Variants in DAAM1 observed in about 807,000 individuals in gnomAD.
The protein encoded by DAAM1 is dishevelled associated activator of morphogenesis 1.
DAAM1 carries 52 observed loss-of-function variants against 130.0 expected under a neutral mutation model. The observed-to-expected ratio is 0.40, with a 90% CI of 0.32 to 0.50. The LOEUF (loss-of-function observed/expected upper bound fraction) is 0.50. Among genes scored for constraint, DAAM1 ranks in the 20% least tolerant of loss-of-function variants. The pLI, the probability that DAAM1 is intolerant of heterozygous loss-of-function variation, is 0.61. For synonymous variants in DAAM1, 452 were observed against 444.5 expected (o/e 1.02, Z -0.21); for missense variants, 1,134 against 1,303.8 (o/e 0.87, Z 2.01).
chr14:59,221,558 A>C (rs1888772676), intron 1 of DAAM1, among the ~76,000 whole-genome samples: 1 of 152,034 alleles, frequency 6.6e-6, no homozygotes, highest in African/African-American at 2.4e-5. Flanking sequence ...TTCTGCCTGG[A>C]TTGGGTTGTT....
chr14:59,331,068 C>T lies in DAAM1; in HGVS notation c.1561-141C>T, dbSNP rs372578519. 2.2e-4 allele frequency: 306 copies of T among 1,404,174 alleles called. 3 individuals carry two copies. In the Middle Eastern group the frequency reaches 3.7e-3, roughly 17 times the overall value. 87.0% of individuals were successfully genotyped at this position (1,404,174 alleles called of 1,614,324 possible). ...CCATAAAGGCCCAAAAGAGTCCATT[C>T]GACTTTACCGATCCTTTAAACATTC... is the stretch of plus-strand genomic sequence containing the variant. On this transcript the variant is annotated intron_variant, in intron 13 of 24. Transcript: ENST00000360909.
chr14:59,233,267 C>T (rs1405176573), intron 1 of DAAM1, among the ~76,000 whole-genome samples: 7 of 152,098 alleles, frequency 4.6e-5, no homozygotes, highest in East Asian at 1.9e-4. Flanking sequence ...AGTGTAAAAG[C>T]GTTCCTATTT....
chr14:59,367,183 G>A (rs1048382448), intron 23 of DAAM1, among the ~76,000 whole-genome samples: 2 of 152,090 alleles, frequency 1.3e-5, no homozygotes, highest in African/African-American at 4.8e-5. Context: ...AGCTACTTGG[G>A]AGGTTGAGGC....
chr14:59,338,708 CTTTTT>C (rs1055292230), intron 15 of DAAM1, among the ~76,000 whole-genome samples: 1 of 149,960 alleles, frequency 6.7e-6, no homozygotes. Flanking sequence ...GGTTTCTTTA[CTTTTT>C]TTTTAATGCT....
At chr14:59,261,701 T>TTTATGAG (rs1882164843) in intron 1 of DAAM1, among the ~76,000 whole-genome samples, 1 of 152,246 alleles carries the variant, frequency 6.6e-6, no homozygotes, top group South Asian at 2.1e-4. Flanking sequence ...ATTATAGTTG[T>TTTATGAG]TTATGAGTGC....
chr14:59,272,160 A>G (rs774781517), intron 2 of DAAM1, among the ~76,000 whole-genome samples: 51 of 152,234 alleles, frequency 3.4e-4, no homozygotes, highest in Non-Finnish European at 5.9e-4. Context: ...TGATACTAAA[A>G]TTGTTCTGTT....
intron 15 of DAAM1, among the ~76,000 whole-genome samples, chr14:59,335,004 C>G (rs1885572999): frequency 6.6e-6 from 1 of 152,082 alleles, no homozygotes; most frequent in Admixed American, 6.6e-5. Flanking sequence ...CAATGGAGCT[C>G]TTATACTTAT....
In DAAM1 at chr14:59,250,156, A is replaced by G. The variant is rs142063589; in HGVS notation, c.-37-13285A>G. ...TAACTGGCCCTGAGACCGTTTGAAGAACTTCTGACATAACGGCTTTAGTGA... is the reference window on the plus strand; with the variant it reads ...TAACTGGCCCTGAGACCGTTTGAAGGACTTCTGACATAACGGCTTTAGTGA... On this transcript the variant is annotated intron_variant, in intron 1 of 24. Coordinates refer to ENST00000360909, the MANE Select transcript of DAAM1 (RefSeq NM_001270520.2). Among the ~76,000 whole-genome samples the G allele has an allele frequency of 7.3e-3, 1,117 of 152,334 alleles. 10 individuals are homozygous for G. Among genetic ancestry groups the G allele is most frequent in the Non-Finnish European group, 0.012 (796 of 68,024 alleles).
intron 3 of DAAM1, among the ~76,000 whole-genome samples, chr14:59,312,836 T>A (rs1010155313): frequency 2.6e-5 from 4 of 152,232 alleles, no homozygotes; most frequent in African/African-American, 9.6e-5. Context: ...GTACAAGTTC[T>A]CTTTCCTAGT....
intron 1 of DAAM1, among the ~76,000 whole-genome samples, chr14:59,235,051 T>G (rs1889248276): frequency 6.6e-6 from 1 of 152,188 alleles, no homozygotes; most frequent in South Asian, 2.1e-4. Context: ...TTGCCAGTAT[T>G]TTATTGAGGA....
chr14:59,359,678 T>G (rs1886628959), intron 21 of DAAM1, among the ~76,000 whole-genome samples, 174 bp downstream of exon 21: 2 of 152,260 alleles, frequency 1.3e-5, no homozygotes, highest in African/African-American at 4.8e-5. Context: ...GTTTTGAATA[T>G]ATGTTTGTTC....
At chr14:59,208,244 G>C (rs900421205) in intron 1 of DAAM1, among the ~76,000 whole-genome samples, 1 of 152,078 alleles carries the variant, frequency 6.6e-6, no homozygotes, top group African/African-American at 2.4e-5. Flanking sequence ...TGTTGTCCAA[G>C]GGGACTCCCA....
At chr14:59,302,243 A>G (rs1269588195) in intron 3 of DAAM1, among the ~76,000 whole-genome samples, 1 of 152,198 alleles carries the variant, frequency 6.6e-6, no homozygotes, top group Admixed American at 6.5e-5. Flanking sequence ...CACTCCCTGT[A>G]ACTGGGGAAC....
At chr14:59,320,072 T>C (rs2139613981) in intron 4 of DAAM1, among the ~76,000 whole-genome samples, 1 of 152,344 alleles carries the variant, frequency 6.6e-6, no homozygotes. Flanking sequence ...TAATTAGATG[T>C]AACAAAATCC....
chr14:59,299,688 T>G (rs1479759689), intron 3 of DAAM1: 1 of 152,114 alleles, frequency 6.6e-6, no homozygotes, highest in Non-Finnish European at 1.5e-5. Context: ...ACTGAGAAAG[T>G]CACTATGCTC....
intron 2 of DAAM1, among the ~76,000 whole-genome samples, chr14:59,286,474 TC>T (rs567397736): frequency 2.6e-4 from 39 of 151,994 alleles, no homozygotes; most frequent in Admixed American, 9.8e-4. Context: ...ATACAAAAAG[TC>T]AGCAAACCAA....
intron 16 of DAAM1, among the ~76,000 whole-genome samples, chr14:59,343,689 A>G (rs978120904): frequency 1.6e-4 from 24 of 152,210 alleles, no homozygotes; most frequent in Admixed American, 2.6e-4. Context: ...CCTTTTGGTC[A>G]GGGGCACCTG....
At chr14:59,198,797 T>C (rs1887999056) in intron 1 of DAAM1, among the ~76,000 whole-genome samples, 1 of 152,228 alleles carries the variant, frequency 6.6e-6, no homozygotes, top group Non-Finnish European at 1.5e-5. Flanking sequence ...TTTGGTGCTT[T>C]GCAATTGCAC....
At chr14:59,316,494 T>C (rs1003415296) in intron 4 of DAAM1, among the ~76,000 whole-genome samples, 13 of 152,216 alleles carry the variant, frequency 8.5e-5, no homozygotes, top group Admixed American at 2.0e-4. Context: ...ATATAAATTA[T>C]AGAAGAAACT....
Sources: gnomAD v4.1 joint callset for allele counts (sites outside exome capture counted in the v4.1 genomes callset) on GRCh38, gnomAD v4.1.1 for gene constraint, MANE v1.5 for transcripts, NCBI Gene and HGNC (gene_info 2026-07-23, HGNC 2026-07-21) for gene names.